Variants in CCSER1 observed in about 807,000 individuals in gnomAD.
The protein encoded by CCSER1 is serine-rich coiled-coil domain-containing protein 1.
Under a neutral mutation model 82.0 loss-of-function variants are expected in CCSER1, and 41 were observed. That is an observed-to-expected ratio of 0.50 (90% CI 0.39 to 0.65). CCSER1 has a LOEUF of 0.65. Ranked by LOEUF, CCSER1 falls within the 30% of genes least tolerant of loss-of-function variation. The probability of loss-of-function intolerance (pLI) is 0.00; values close to 1 mark genes in which losing one functional copy is unlikely to be tolerated. For missense variants in CCSER1, 1,119 were observed against 1,064.2 expected, an observed-to-expected ratio of 1.05 and a Z score of -0.72; for synonymous variants, 414 against 383.9, an observed-to-expected ratio of 1.08 and a Z score of -0.92.
chr4:90,932,027 G>T (rs1385368087), intron 9 of CCSER1, among the ~76,000 whole-genome samples: 2 of 152,090 alleles, frequency 1.3e-5, no homozygotes, highest in African/African-American at 4.8e-5. Context: ...GCCAACAAAA[G>T]AACATGGATT....
intron 8 of CCSER1, among the ~76,000 whole-genome samples, chr4:90,823,074 A>G (rs780427243): frequency 1.3e-5 from 2 of 152,198 alleles, no homozygotes; most frequent in Non-Finnish European, 2.9e-5. Flanking sequence ...CAGTAAGGGA[A>G]TACATTGACT....
chr4:91,565,725 C>A (rs1348003545), intron 10 of CCSER1, among the ~76,000 whole-genome samples: 1 of 152,128 alleles, frequency 6.6e-6, no homozygotes, highest in East Asian at 1.9e-4. Context: ...TATCAAAATG[C>A]TAGTGAGGCT....
At chr4:91,373,696 A>G (rs1750198915) in intron 10 of CCSER1, among the ~76,000 whole-genome samples, 1 of 152,178 alleles carries the variant, frequency 6.6e-6, no homozygotes, top group Non-Finnish European at 1.5e-5. Context: ...GACAAGGGAA[A>G]CAGTCACAGG....
chr4:91,320,227 G>A (rs1746106296), intron 10 of CCSER1, among the ~76,000 whole-genome samples: 1 of 151,860 alleles, frequency 6.6e-6, no homozygotes, highest in South Asian at 2.1e-4. Context: ...TCATAAGGAG[G>A]AAAAAACATT....
chr4:90,500,599 A>G (rs1769711196), intron 5 of CCSER1, among the ~76,000 whole-genome samples: 1 of 152,094 alleles, frequency 6.6e-6, no homozygotes, highest in Admixed American at 6.6e-5. Context: ...CTAAAGTGCT[A>G]GGATTACCGG....
At chr4:90,792,111 G>C (rs969491218) in intron 7 of CCSER1, among the ~76,000 whole-genome samples, 3 of 152,102 alleles carry the variant, frequency 2.0e-5, no homozygotes, top group Admixed American at 2.0e-4. Context: ...TGACTTTGCA[G>C]AATCCCTGAT....
chr4:91,183,138 G>T (rs904129351), intron 10 of CCSER1, among the ~76,000 whole-genome samples: 1 of 152,214 alleles, frequency 6.6e-6, no homozygotes, highest in Non-Finnish European at 1.5e-5. Flanking sequence ...ACTGCTGTTT[G>T]CAATTCGGTA....
At chr4:91,215,572 G>A (rs1235769747) in intron 10 of CCSER1, among the ~76,000 whole-genome samples, 1 of 152,140 alleles carries the variant, frequency 6.6e-6, no homozygotes, top group Non-Finnish European at 1.5e-5. Context: ...GAGGCCAGCA[G>A]ACTAAGCCAG....
chr4:90,833,857 A>T (rs1761450209), intron 8 of CCSER1, among the ~76,000 whole-genome samples: 1 of 152,098 alleles, frequency 6.6e-6, no homozygotes, highest in Non-Finnish European at 1.5e-5. Flanking sequence ...GATTAATGTC[A>T]TTACTGGGAA....
At chr4:91,196,178 C>CAAAAA (rs61336014) in intron 10 of CCSER1, among the ~76,000 whole-genome samples, 8 of 60,590 alleles carry the variant, frequency 1.3e-4, no homozygotes, top group Admixed American at 1.8e-4. Flanking sequence ...AACAGCGAGA[C>CAAAAA]AAAAAAAAAA....
At chr4:90,780,193 G>A (rs1451292797) in intron 7 of CCSER1, among the ~76,000 whole-genome samples, 3 of 152,272 alleles carry the variant, frequency 2.0e-5, no homozygotes, top group East Asian at 3.9e-4. Context: ...TGTTGGATTA[G>A]GGAAGCCTAG....
At chr4:90,555,119 T>C (rs1393760842) in intron 5 of CCSER1, among the ~76,000 whole-genome samples, 1 of 152,142 alleles carries the variant, frequency 6.6e-6, no homozygotes, top group Non-Finnish European at 1.5e-5. Flanking sequence ...AATTCATTTT[T>C]TTTTCATTTG....
At chr4:91,059,804 G>A (rs1743805040) in intron 9 of CCSER1, among the ~76,000 whole-genome samples, 1 of 151,920 alleles carries the variant, frequency 6.6e-6, no homozygotes. Context: ...TGCAAGATAT[G>A]AGCAGTACTA....
chr4:91,255,024 C>T (rs1187068812), intron 10 of CCSER1, among the ~76,000 whole-genome samples: 1 of 151,818 alleles, frequency 6.6e-6, no homozygotes, highest in African/African-American at 2.4e-5. Context: ...ATTTAGTGAC[C>T]AGCCTATTCA....
chr4:91,015,265 A>C (rs1739328715), intron 9 of CCSER1: 1 of 152,110 alleles, frequency 6.6e-6, no homozygotes, highest in African/African-American at 2.4e-5. Flanking sequence ...AGTACAAGTA[A>C]GGTTATATCA....
intron 10 of CCSER1, among the ~76,000 whole-genome samples, chr4:91,191,275 T>C (rs1400413835): frequency 6.6e-6 from 1 of 152,186 alleles, no homozygotes; most frequent in Non-Finnish European, 1.5e-5. Context: ...CTATTTCTGT[T>C]GTATCTTCAA....
chr4:90,269,593 A>C (rs143896195), intron 1 of CCSER1, among the ~76,000 whole-genome samples: 7 of 152,052 alleles, frequency 4.6e-5, no homozygotes, highest in African/African-American at 1.7e-4. Context: ...AAAACTTCAA[A>C]TAAACAACAC....
chr4:91,508,143 CT>C (rs35283008), intron 10 of CCSER1, among the ~76,000 whole-genome samples: 61,047 of 97,346 alleles, frequency 0.63, 17,230 homozygotes, highest in Middle Eastern at 0.66. Flanking sequence ...GACAGAGATC[CT>C]TTTTTTTTTT....
chr4:90,752,140 A>G (rs1421945370), intron 7 of CCSER1, among the ~76,000 whole-genome samples: 1 of 152,110 alleles, frequency 6.6e-6, no homozygotes, highest in African/African-American at 2.4e-5. Flanking sequence ...GGAAAACTTT[A>G]CAGCGACTCC....
Sources: gnomAD v4.1 joint callset for allele counts (sites outside exome capture counted in the v4.1 genomes callset) on GRCh38, gnomAD v4.1.1 for gene constraint, MANE v1.5 for transcripts, NCBI Gene and HGNC (gene_info 2026-07-23, HGNC 2026-07-21) for gene names.